The following LIN54 variants were observed in gnomAD, a reference collection of about 807,000 sequenced individuals.
The protein encoded by LIN54 is protein lin-54 homolog.
LIN54 carries 9 observed loss-of-function variants against 78.7 expected under a neutral mutation model. That is an observed-to-expected ratio of 0.11 (90% CI 0.07 to 0.20). The LOEUF (loss-of-function observed/expected upper bound fraction) is 0.20, where lower values mean the gene tolerates loss of function less well. Among genes scored for constraint, LIN54 ranks in the 10% least tolerant of loss-of-function variants. The probability of loss-of-function intolerance (pLI) is 1.00; values close to 1 mark genes in which losing one functional copy is unlikely to be tolerated. For synonymous variants in LIN54, 269 were observed against 318.4 expected, an observed-to-expected ratio of 0.84 and a Z score of 1.65; for missense variants, 573 against 889.9, an observed-to-expected ratio of 0.64 and a Z score of 4.53.
At position 82,984,736 on chromosome 4, in the gene LIN54, G is replaced by T. The variant is rs779735846; in HGVS notation, c.109C>A (p.Pro37Thr). The change falls in exon 2 of 13, where the codon CCA becomes ACA. Residue 37 changes from proline to threonine, a missense_variant. By Grantham distance (38) the Pro-to-Thr change is conservative. Coordinates refer to ENST00000340417, the MANE Select transcript of LIN54 (RefSeq NM_194282.4). ...DSIEAVIVSS[P>T]IPMETELEEI... Reference sequence around the variant, plus strand: ...TCCAGTTCTGTCTCCATGGGAATTGGGGATGAAACAATAACAGCCTCAATA... The same window carrying T: ...TCCAGTTCTGTCTCCATGGGAATTGTGGATGAAACAATAACAGCCTCAATA... The T allele has an allele frequency of 3.4e-5, 55 of 1,613,850 alleles. No homozygotes were observed. The highest frequency in any genetic ancestry group is 4.7e-5 in the Non-Finnish European group (55 of 1,179,960).
At chr4:82,965,728 C>T (rs566645413) in intron 4 of LIN54, among the ~76,000 whole-genome samples, 2 of 152,030 alleles carry the variant, frequency 1.3e-5, no homozygotes, top group Non-Finnish European at 2.9e-5. Context: ...AGATTAGATG[C>T]GGGAGATGAA....
chr4:82,970,175 A>G, intron 4 of LIN54, 152 bp downstream of exon 4: 1 of 683,398 alleles, frequency 1.5e-6, no homozygotes, highest in Non-Finnish European at 2.4e-6. Flanking sequence ...TTAATCTGTC[A>G]GACATCCTTG....
intron 7 of LIN54, among the ~76,000 whole-genome samples, chr4:82,939,238 T>C (rs570110889): frequency 3.3e-4 from 50 of 152,336 alleles, no homozygotes; most frequent in African/African-American, 1.2e-3. Flanking sequence ...TCTAAATTCA[T>C]TTGGACTCTG....
chr4:82,978,775 T>C, intron 3 of LIN54, 108 bp downstream of exon 3: 1 of 609,094 alleles, frequency 1.6e-6, no homozygotes, highest in Non-Finnish European at 2.6e-6. Flanking sequence ...TGGTTTATAA[T>C]AATAAGCTAT....
In LIN54 at chr4:83,010,794, CG is replaced by C; in HGVS notation, c.-344del. On this transcript the variant is annotated 5_prime_UTR_variant, in exon 1 of 13. Transcript: ENST00000340417. The stretch of plus-strand genomic sequence containing the variant: ...AGCAGCTTCCCCGACAGCCGGAGCC[CG>C]GGCCGCCGCCGCCGCCGCCACCACC... 1.6e-6 allele frequency: 2 copies of C among 1,235,182 alleles called. No individual in the cohort carries two copies. Among genetic ancestry groups the C allele is most frequent in the Non-Finnish European group, 2.0e-6 (2 of 990,986 alleles). 76.5% of individuals were successfully genotyped at this position (1,235,182 alleles called of 1,614,324 possible).
chr4:82,986,472 G>A (rs1457452939), intron 1 of LIN54, among the ~76,000 whole-genome samples: 3 of 151,790 alleles, frequency 2.0e-5, no homozygotes, highest in Non-Finnish European at 4.4e-5. Context: ...GGCAGATCAC[G>A]AGGTAGGCAG....
intron 4 of LIN54, among the ~76,000 whole-genome samples, chr4:82,951,642 G>A (rs964135138): frequency 5.3e-5 from 8 of 152,080 alleles, no homozygotes; most frequent in African/African-American, 1.4e-4. Context: ...AATCAATGGA[G>A]AATGATAATA....
At chr4:82,932,783 C>T (rs905266683) in intron 11 of LIN54, among the ~76,000 whole-genome samples, 3 of 152,050 alleles carry the variant, frequency 2.0e-5, no homozygotes, top group East Asian at 3.9e-4. Context: ...CGCGATCACG[C>T]GATTGCACTC....
chr4:82,931,853 A>G (rs1721979926), intron 11 of LIN54, among the ~76,000 whole-genome samples: 1 of 152,228 alleles, frequency 6.6e-6, no homozygotes, highest in East Asian at 1.9e-4. Context: ...AATCCCTCCA[A>G]AGTCATCTGG....
chr4:82,947,550 C>CATTTTAATTGATTAAAATGATTTAATT (rs1723506760), intron 4 of LIN54, among the ~76,000 whole-genome samples: 1 of 151,766 alleles, frequency 6.6e-6, no homozygotes, highest in African/African-American at 2.4e-5. Flanking sequence ...GAGCCACAAT[C>CATTTTAATTGATTAAAATGATTTAATT]ATTTTAATTG....
chr4:83,012,553 C>A (rs938583907), upstream of LIN54, among the ~76,000 whole-genome samples: 3 of 152,106 alleles, frequency 2.0e-5, no homozygotes, highest in Non-Finnish European at 4.4e-5. Context: ...GCCACCCTCT[C>A]GGGAGCCGAC....
chr4:82,946,609 C>A, intron 4 of LIN54, 135 bp from the exon 5 acceptor site: 1 of 666,696 alleles, frequency 1.5e-6, no homozygotes, highest in Non-Finnish European at 2.5e-6. Context: ...ACAACCTGTT[C>A]AAAGAGAAAT....
chr4:83,007,864 G>A (rs923337372), intron 1 of LIN54, among the ~76,000 whole-genome samples: 1 of 151,854 alleles, frequency 6.6e-6, no homozygotes, highest in Non-Finnish European at 1.5e-5. Context: ...TAACCTGGGT[G>A]ACAGAGTGAG....
rs879428788 is a variant in LIN54, at chr4:82,942,885, CA to C, written c.1169-2924del. Among the ~76,000 whole-genome samples the C allele has an allele frequency of 7.2e-3, 1,092 of 151,632 alleles. 10 individuals carry two copies. Among genetic ancestry groups the C allele is most frequent in the Middle Eastern group, 0.027 (8 of 294 alleles). On this transcript the variant is annotated intron_variant, in intron 5 of 12. Coordinates refer to ENST00000340417, the MANE Select transcript of LIN54 (RefSeq NM_194282.4). The stretch of plus-strand genomic sequence containing the variant: ...GCACACACACACACACACACACACA[CA>C]CACACACCCTCCCTCCCTCCCTGGC...
At chr4:82,934,379 C>G (rs1425096823) in intron 11 of LIN54, among the ~76,000 whole-genome samples, 1 of 152,184 alleles carries the variant, frequency 6.6e-6, no homozygotes, top group Non-Finnish European at 1.5e-5. Flanking sequence ...GCACTCCAGC[C>G]TGGGCGACAG....
chr4:82,947,388 G>A (rs1349469936), intron 4 of LIN54, among the ~76,000 whole-genome samples: 7 of 116,394 alleles, frequency 6.0e-5, no homozygotes, highest in African/African-American at 2.4e-4. Context: ...ACCACGCCCA[G>A]TTAATTTGTG....
At chr4:82,998,980 TAAATC>T (rs1485818001) in intron 1 of LIN54, among the ~76,000 whole-genome samples, 1 of 152,196 alleles carries the variant, frequency 6.6e-6, no homozygotes, top group African/African-American at 2.4e-5. Flanking sequence ...GATGCACTAT[TAAATC>T]AAAACCACAA....
intron 1 of LIN54, among the ~76,000 whole-genome samples, chr4:83,008,901 C>A (rs553513193): frequency 5.3e-5 from 8 of 152,172 alleles, no homozygotes; most frequent in African/African-American, 1.9e-4. Context: ...AATGAAAAAG[C>A]TTTTTAATCT....
At chr4:82,956,781 T>C (rs1724371021) in intron 4 of LIN54, among the ~76,000 whole-genome samples, 1 of 151,990 alleles carries the variant, frequency 6.6e-6, no homozygotes, top group Non-Finnish European at 1.5e-5. Context: ...GGGAGGAGTC[T>C]TTCTTCTTTT....
Sources: gnomAD v4.1 joint callset for allele counts (sites outside exome capture counted in the v4.1 genomes callset) on GRCh38, gnomAD v4.1.1 for gene constraint, MANE v1.5 for transcripts, NCBI Gene and HGNC (gene_info 2026-07-23, HGNC 2026-07-21) for gene names.